Variants in HPSE2 observed in about 807,000 individuals in gnomAD.
HPSE2 encodes heparanase 2 (inactive).
In HPSE2, 38 loss-of-function variants were observed where a neutral mutation model predicts 60.5. The ratio of observed to expected loss-of-function variants is 0.63; its 90% confidence interval spans 0.48 to 0.82. The LOEUF (loss-of-function observed/expected upper bound fraction) is 0.82. Among genes scored for constraint, HPSE2 ranks in the 40% least tolerant of loss-of-function variants. HPSE2 has a pLI of 0.00. For synonymous variants in HPSE2, 295 were observed against 293.2 expected, an observed-to-expected ratio of 1.01 and a Z score of -0.06; for missense variants, 713 against 740.4, an observed-to-expected ratio of 0.96 and a Z score of 0.43.
intron 3 of HPSE2, among the ~76,000 whole-genome samples, chr10:99,137,352 C>G (rs1040615969): frequency 3.3e-5 from 5 of 152,198 alleles, no homozygotes; most frequent in African/African-American, 1.2e-4. Context: ...ATATCCCCAT[C>G]AAGCTACCAC....
chr10:99,308,379 C>CAAAAAAAAAAAAAAAA, the HPSE2 span, among the ~76,000 whole-genome samples: 26 of 28,126 alleles, frequency 9.2e-4, 1 homozygote, highest in African/African-American at 2.9e-3. Context: ...GACTCTGTCT[C>CAAAAAAAAAAAAAAAA]AAAAAAAAAA....
chr10:98,871,131 G>T (rs558115651), intron 3 of HPSE2, among the ~76,000 whole-genome samples: 49 of 152,062 alleles, frequency 3.2e-4, no homozygotes, highest in Admixed American at 1.1e-3. Flanking sequence ...TCTTTCCTTT[G>T]TAAATTACCC....
intron 3 of HPSE2, among the ~76,000 whole-genome samples, chr10:99,117,978 T>C (rs530553154): frequency 1.3e-5 from 2 of 152,238 alleles, no homozygotes; most frequent in East Asian, 3.9e-4. Flanking sequence ...AGCAAAATAC[T>C]GGTAAACTGA....
chr10:99,117,417 GA>G (rs1157232317), intron 3 of HPSE2, among the ~76,000 whole-genome samples: 49 of 24,804 alleles, frequency 2.0e-3, no homozygotes, highest in African/African-American at 7.0e-3. Context: ...TTGTTTTTTT[GA>G]AAAAAAAAAA....
intron 6 of HPSE2, among the ~76,000 whole-genome samples, chr10:98,660,353 C>T (rs1225940435): frequency 1.3e-5 from 2 of 152,128 alleles, no homozygotes; most frequent in African/African-American, 4.8e-5. Flanking sequence ...CTGGAAGGGA[C>T]TACATGATCA....
intron 3 of HPSE2, among the ~76,000 whole-genome samples, chr10:98,909,135 GAC>G (rs1953909908): frequency 6.6e-6 from 1 of 152,156 alleles, no homozygotes; most frequent in Admixed American, 6.5e-5. Flanking sequence ...ACGCTTGAAA[GAC>G]AGTCACACAG....
At chr10:99,191,037 C>T (rs1848202383) in intron 2 of HPSE2, among the ~76,000 whole-genome samples, 1 of 152,098 alleles carries the variant, frequency 6.6e-6, no homozygotes, top group African/African-American at 2.4e-5. Flanking sequence ...AGAGACTCCT[C>T]TGCTTGAAGA....
chr10:98,863,109 G>T (rs1476337732), intron 3 of HPSE2, among the ~76,000 whole-genome samples: 1 of 151,970 alleles, frequency 6.6e-6, no homozygotes, highest in Non-Finnish European at 1.5e-5. Context: ...GATTCCCCCA[G>T]GAATGAAACA....
intron 3 of HPSE2, among the ~76,000 whole-genome samples, chr10:99,083,992 T>TTTTTTA (rs1463878629): frequency 8.2e-6 from 1 of 122,156 alleles, no homozygotes; most frequent in African/African-American, 2.7e-5. Flanking sequence ...TTTTTTTTTT[T>TTTTTTA]AAGTAACTGC....
At chr10:99,315,254 A>G in the HPSE2 span, among the ~76,000 whole-genome samples, 1 of 152,210 alleles carries the variant, frequency 6.6e-6, no homozygotes, top group Non-Finnish European at 1.5e-5. Context: ...CATGATTTCC[A>G]TGGTGACAAG....
At chr10:98,684,820 C>CA (rs1182489329) in intron 6 of HPSE2, among the ~76,000 whole-genome samples, 5 of 150,580 alleles carry the variant, frequency 3.3e-5, no homozygotes, top group East Asian at 1.9e-4. Context: ...AGCTCATTAC[C>CA]AAAAAAAAGG....
At chr10:98,816,063 G>A (rs951008880) in intron 3 of HPSE2, among the ~76,000 whole-genome samples, 2 of 149,780 alleles carry the variant, frequency 1.3e-5, no homozygotes, top group Non-Finnish European at 3.0e-5. Context: ...AGCATTAGGA[G>A]ATATACCTAA....
intron 3 of HPSE2, among the ~76,000 whole-genome samples, chr10:99,131,679 T>C (rs1200959017): frequency 1.3e-5 from 2 of 152,114 alleles, no homozygotes; most frequent in African/African-American, 2.4e-5. Context: ...CACTCATAAG[T>C]TGGAACTAAG....
At chr10:98,761,612 T>G (rs1950005667) in intron 3 of HPSE2, among the ~76,000 whole-genome samples, 1 of 152,166 alleles carries the variant, frequency 6.6e-6, no homozygotes, top group African/African-American at 2.4e-5. Context: ...AAGACATGAC[T>G]GCCATTGTCA....
intron 3 of HPSE2, among the ~76,000 whole-genome samples, chr10:98,754,853 C>T (rs1318949327): frequency 1.3e-5 from 2 of 151,664 alleles, no homozygotes; most frequent in Non-Finnish European, 2.9e-5. Context: ...TTTGTTACCA[C>T]CTGACCTTCC....
At chr10:99,027,270 TA>T (rs560490330) in intron 3 of HPSE2, among the ~76,000 whole-genome samples, 5,293 of 128,240 alleles carry the variant, frequency 0.041, 138 homozygotes, top group Non-Finnish European at 0.064. Flanking sequence ...AAATCAGAAA[TA>T]AAAAAAAAAA....
intron 3 of HPSE2, among the ~76,000 whole-genome samples, chr10:98,872,254 T>A (rs1462606430): frequency 6.6e-6 from 1 of 152,042 alleles, no homozygotes; most frequent in Non-Finnish European, 1.5e-5. Flanking sequence ...CACAAGGACA[T>A]CCTGCTCTAC....
chr10:98,481,580 G>A (rs1941236274), intron 11 of HPSE2, among the ~76,000 whole-genome samples: 1 of 152,210 alleles, frequency 6.6e-6, no homozygotes, highest in African/African-American at 2.4e-5. Context: ...GCCAGCATGT[G>A]AACCGAGACT....
chr10:98,842,238 T>C (rs1001236264), intron 3 of HPSE2, among the ~76,000 whole-genome samples: 4 of 152,080 alleles, frequency 2.6e-5, no homozygotes, highest in Non-Finnish European at 5.9e-5. Flanking sequence ...GCAGTATATG[T>C]TGAAGTATAT....
Sources: allele counts gnomAD v4.1 joint callset (sites outside exome capture counted in the v4.1 genomes callset), GRCh38; gene constraint gnomAD v4.1.1; transcripts MANE v1.5; gene names NCBI Gene and HGNC (gene_info 2026-07-23, HGNC 2026-07-21).